The following LRRC2 variants were observed in gnomAD, a reference collection of about 807,000 sequenced individuals.
The protein encoded by LRRC2 is leucine rich repeat containing 2, also known as leucine-rich repeat-containing protein 2.
A neutral mutation model predicts 40.2 loss-of-function variants in LRRC2; 27 were observed. The observed-to-expected ratio is 0.67, with a 90% CI of 0.49 to 0.93. LRRC2 has a LOEUF of 0.93. LRRC2 is among the 40% of genes least tolerant of loss of function. The pLI is 0.00. For missense variants in LRRC2, 402 were observed against 439.6 expected, an observed-to-expected ratio of 0.91 and a Z score of 0.76; for synonymous variants, 147 against 158.9, an observed-to-expected ratio of 0.92 and a Z score of 0.56.
At chr3:46,538,422 G>C (rs1027537508) in intron 4 of LRRC2, among the ~76,000 whole-genome samples, 39 of 152,136 alleles carry the variant, frequency 2.6e-4, no homozygotes, top group African/African-American at 9.4e-4. Context: ...AGCACCTGAG[G>C]TCAGGAGTTT....
chr3:46,518,962 G>A lies in LRRC2; in HGVS notation c.*52C>T. On this transcript the variant is annotated 3_prime_UTR_variant, in exon 9 of 9. Coordinates refer to ENST00000395905, the MANE Select transcript of LRRC2 (RefSeq NM_024512.5). ...TCCTATATGACATGATCATAACAAA[G>A]ATTTATATATAGCTCCAGAGAATAG... The A allele has an allele frequency of 1.6e-6, 2 of 1,238,182 alleles. No homozygotes were observed. The highest frequency in any genetic ancestry group is 2.4e-6 in the Non-Finnish European group (2 of 838,714). The allele number at this position is 1,238,182 out of a possible 1,614,324, so 76.7% of individuals were successfully genotyped here.
At chr3:46,553,831 G>A (rs933855154) in intron 1 of LRRC2, among the ~76,000 whole-genome samples, 1 of 152,142 alleles carries the variant, frequency 6.6e-6, no homozygotes, top group African/African-American at 2.4e-5. Flanking sequence ...CCCTATAAAT[G>A]GCTTGCCAAT....
At chr3:46,536,844 C>T (rs2107007983) in intron 4 of LRRC2, among the ~76,000 whole-genome samples, 1 of 152,292 alleles carries the variant, frequency 6.6e-6, no homozygotes, top group Admixed American at 6.5e-5. Flanking sequence ...GTTAATCTGG[C>T]TGGCAATAAT....
At position 46,539,026 on chromosome 3, in the gene LRRC2, C is replaced by T. The variant is rs760712004; in HGVS notation, c.490+19G>A. 3.1e-6 allele frequency: 5 copies of T among 1,611,870 alleles called. No individual in the cohort carries two copies. Among genetic ancestry groups the T allele is most frequent in the Non-Finnish European group, 3.4e-6 (4 of 1,178,972 alleles). On this transcript the variant is annotated intron_variant, in intron 4 of 8. Coordinates refer to ENST00000395905, the MANE Select transcript of LRRC2 (RefSeq NM_024512.5). ...CTTAACACACCAGAGGCCCGAAGAC[C>T]CCTGCTAAGTTGACATACCGATTTC...
chr3:46,534,547 A>G (rs1271379793), intron 4 of LRRC2, among the ~76,000 whole-genome samples: 2 of 151,652 alleles, frequency 1.3e-5, no homozygotes, highest in African/African-American at 4.8e-5. Flanking sequence ...CACCACTTTC[A>G]CACCATCAAA....
chr3:46,530,671 G>A (rs528474709), intron 5 of LRRC2, among the ~76,000 whole-genome samples: 2 of 152,204 alleles, frequency 1.3e-5, no homozygotes, highest in African/African-American at 4.8e-5. Flanking sequence ...GCGAAGGCAC[G>A]TCTTACATGG....
At position 46,539,574 on chromosome 3, in the gene LRRC2, T is replaced by A. The variant is rs1704342287; in HGVS notation, c.334-373A>T. ...TTTCAAAATTTGTGCTTCGTTTCCC[T>A]TTGTCTGTAGTTGCTTTTAGAAATA... is the stretch of plus-strand genomic sequence containing the variant. On this transcript the variant is annotated intron_variant, in intron 3 of 8. Transcript: ENST00000395905. 2.0e-5 allele frequency among the ~76,000 whole-genome samples: 3 copies of A among 152,232 alleles called. No homozygotes were observed. The South Asian group carries it at 6.2e-4, about 32-fold the overall frequency.
In LRRC2 at chr3:46,559,270, G is replaced by A. The variant is rs534883730; in HGVS notation, c.-20+6907C>T. On this transcript the variant is annotated intron_variant, in intron 1 of 8. Transcript: ENST00000395905. ...TAAAGATCAAAGTCCACAGCCAGTGGTGAAGAAACATTAATAAGAGAATCA... is the reference window on the plus strand; with the variant it reads ...TAAAGATCAAAGTCCACAGCCAGTGATGAAGAAACATTAATAAGAGAATCA... 3.3e-5 allele frequency: 5 copies of A among 152,342 alleles called. No individual in the cohort carries two copies. The East Asian group carries it at 9.6e-4, about 29-fold the overall frequency. The allele number at this position is 152,342 out of a possible 1,614,324, so 9.4% of individuals were successfully genotyped here. A position where few individuals can be genotyped will look rare whatever the true frequency, so the allele number is the denominator to read the frequency against.
intron 4 of LRRC2, among the ~76,000 whole-genome samples, chr3:46,535,114 A>G (rs909333907): frequency 6.6e-6 from 1 of 152,254 alleles, no homozygotes; most frequent in Admixed American, 6.5e-5. Context: ...TTTGCTCAAA[A>G]TACTCCATGT....
intron 1 of LRRC2, chr3:46,558,824 C>T (rs1353579375): frequency 6.6e-6 from 1 of 152,134 alleles, no homozygotes; most frequent in African/African-American, 2.4e-5. Flanking sequence ...GGCTATAGCT[C>T]CTCCAATCAG....
intron 8 of LRRC2, among the ~76,000 whole-genome samples, chr3:46,519,527 C>T (rs1703927819): frequency 6.6e-6 from 1 of 152,226 alleles, no homozygotes; most frequent in Non-Finnish European, 1.5e-5. Flanking sequence ...CCACTAGTTG[C>T]TGACCCCTCT....
intron 1 of LRRC2, chr3:46,558,777 A>G (rs1488959979): frequency 6.6e-6 from 1 of 152,214 alleles, no homozygotes; most frequent in African/African-American, 2.4e-5. Flanking sequence ...AAGATTTAAG[A>G]AAGTAAGAAA....
intron 8 of LRRC2, 83 bp from the exon 9 acceptor site, chr3:46,519,146 A>G (rs187997330): frequency 1.1e-6 from 1 of 891,490 alleles, no homozygotes; most frequent in Non-Finnish European, 1.9e-6. Flanking sequence ...TACATAATGA[A>G]TGTATGTCAA....
rs148660546 is a variant in LRRC2, at chr3:46,529,974, C to G, written c.704G>C (p.Arg235Pro). The change falls in exon 6 of 9, where the codon CGG (arginine) becomes CCG (proline). Residue 235 changes from arginine to proline, a missense_variant. Transcript: ENST00000395905. Reference protein sequence around the residue: ...KFSSVPICVLRMSNLQWLDIS... With the variant: ...KFSSVPICVLPMSNLQWLDIS... ...ATCCAACCACTGCAAATTCGACATC[C>G]GCAGGACACAGATTGGGACACTGGA... 8.7e-6 allele frequency: 14 copies of G among 1,613,940 alleles called. No individual in the cohort carries two copies. In the African/African-American group the frequency reaches 1.9e-4, roughly 22 times the overall value.
intron 1 of LRRC2, among the ~76,000 whole-genome samples, chr3:46,554,660 A>G (rs1241735362): frequency 6.6e-6 from 1 of 151,880 alleles, no homozygotes; most frequent in Non-Finnish European, 1.5e-5. Context: ...AAAAAAAAGA[A>G]GAAGAAGAAT....
intron 1 of LRRC2, among the ~76,000 whole-genome samples, chr3:46,563,730 G>A (rs990909905): frequency 1.3e-5 from 2 of 152,226 alleles, no homozygotes; most frequent in Non-Finnish European, 2.9e-5. Context: ...TTTACTGACA[G>A]GAGCAGCCAC....
rs753497746 is a variant in LRRC2, at chr3:46,529,920, G to C, written c.758C>G (p.Pro253Arg). 13 of 1,614,030 alleles carry C rather than the reference G, an allele frequency of 8.1e-6. No homozygotes were observed. The highest frequency in any genetic ancestry group is 3.3e-5 in the Admixed American group (2 of 59,986). ...AAGTAGCTACCTGTCTATATCTTGC[G>C]GCAGGTCGGTCAGGTTATTGCTGCT... ...DISSNNLTDLPQDIDRLEELQ... is the reference protein window; with the variant it reads ...DISSNNLTDLRQDIDRLEELQ... The change falls in exon 6 of 9, where the codon CCG becomes CGG. Residue 253 changes from proline (P) to arginine (R), a missense_variant. Pro to Arg is a moderately radical substitution (Grantham distance 103). Transcript: ENST00000395905.
chr3:46,537,484 T>C (rs1243684946), intron 4 of LRRC2, among the ~76,000 whole-genome samples: 2 of 152,226 alleles, frequency 1.3e-5, no homozygotes, highest in African/African-American at 2.4e-5. Context: ...AAAAATGACC[T>C]GCAAATAGTG....
At chr3:46,566,008 G>C (rs756857271) in intron 1 of LRRC2, among the ~76,000 whole-genome samples, 169 bp downstream of exon 1, 3 of 152,232 alleles carry the variant, frequency 2.0e-5, no homozygotes, top group Non-Finnish European at 4.4e-5. Context: ...CCGCTGTCCG[G>C]TTAGGGACGT....
Sources: gnomAD v4.1 joint callset for allele counts (sites outside exome capture counted in the v4.1 genomes callset) on GRCh38, gnomAD v4.1.1 for gene constraint, MANE v1.5 for transcripts, NCBI Gene and HGNC (gene_info 2026-07-23, HGNC 2026-07-21) for gene names.